ATP11A: variants seen among roughly 807,000 people sequenced by gnomAD.
The protein encoded by ATP11A is ATPase phospholipid transporting 11A.
In ATP11A, 81 loss-of-function variants were observed where a neutral mutation model predicts 154.4. That is an observed-to-expected ratio of 0.52 (90% confidence interval 0.44 to 0.63). The LOEUF (loss-of-function observed/expected upper bound fraction) is 0.63. Among genes scored for constraint, ATP11A ranks in the 30% least tolerant of loss-of-function variants. The probability of loss-of-function intolerance (pLI) is 0.00; values close to 1 mark genes in which losing one functional copy is unlikely to be tolerated. For synonymous variants in ATP11A, 623 were observed against 585.9 expected (o/e 1.06, Z -0.91); for missense variants, 1,316 against 1,474.3 (o/e 0.89, Z 1.76).
intron 1 of ATP11A, among the ~76,000 whole-genome samples, chr13:112,781,422 C>A (rs1404289127): frequency 6.6e-6 from 1 of 152,166 alleles, no homozygotes; most frequent in Non-Finnish European, 1.5e-5. Context: ...AGAAGTTACA[C>A]GATTGAGGCT....
intron 2 of ATP11A, among the ~76,000 whole-genome samples, chr13:112,794,972 G>A (rs1377544186): frequency 7.9e-5 from 12 of 152,214 alleles, no homozygotes; most frequent in East Asian, 3.9e-4. Context: ...TGCCAGGTGC[G>A]GTGGCTCACG....
chr13:112,808,591 G>C (rs1309371577), intron 4 of ATP11A, among the ~76,000 whole-genome samples: 1 of 151,998 alleles, frequency 6.6e-6, no homozygotes, highest in Non-Finnish European at 1.5e-5. Context: ...CTCCAGCAGG[G>C]CTGTTTGTGC....
chr13:112,814,823 T>G (rs952123510), intron 5 of ATP11A, among the ~76,000 whole-genome samples: 2 of 152,236 alleles, frequency 1.3e-5, no homozygotes, highest in Admixed American at 1.3e-4. Context: ...CAAGGTTGTT[T>G]TAGCTATTCT....
At chr13:112,780,063 CTG>C (rs1255221557) in intron 1 of ATP11A, among the ~76,000 whole-genome samples, 2 of 151,466 alleles carry the variant, frequency 1.3e-5, no homozygotes, top group Non-Finnish European at 2.9e-5. Context: ...GCCAAGGTGA[CTG>C]TTAGGTTTCT....
At chr13:112,766,833 G>A (rs1237163030) in intron 1 of ATP11A, among the ~76,000 whole-genome samples, 3 of 77,636 alleles carry the variant, frequency 3.9e-5, no homozygotes, top group East Asian at 7.7e-4. Context: ...GGGGAGATGT[G>A]GGGGTGTTGG....
chr13:112,811,179 C>T (rs1352511231), intron 5 of ATP11A, among the ~76,000 whole-genome samples: 1 of 150,244 alleles, frequency 6.7e-6, no homozygotes, highest in Non-Finnish European at 1.5e-5. Context: ...CACACACACA[C>T]ACACACACAC....
chr13:112,794,271 C>A (rs75171790), intron 2 of ATP11A, among the ~76,000 whole-genome samples: 10 of 152,312 alleles, frequency 6.6e-5, no homozygotes, highest in African/African-American at 2.4e-4. Context: ...CAAATACTTA[C>A]ATTTTTACAA....
chr13:112,847,324 T>G (rs997634996), intron 17 of ATP11A, among the ~76,000 whole-genome samples: 4 of 152,268 alleles, frequency 2.6e-5, no homozygotes, highest in African/African-American at 9.6e-5. Flanking sequence ...TCGAAGAAAC[T>G]GCTATGAAAT....
At chr13:112,701,013 C>T (rs796310276) in intron 1 of ATP11A, among the ~76,000 whole-genome samples, 14 of 152,348 alleles carry the variant, frequency 9.2e-5, no homozygotes, top group African/African-American at 3.4e-4. Flanking sequence ...GGCTCAGCTG[C>T]TGAGGGATCA....
intron 1 of ATP11A, among the ~76,000 whole-genome samples, chr13:112,778,133 A>C (rs968699840): frequency 6.6e-6 from 1 of 152,160 alleles, no homozygotes; most frequent in Non-Finnish European, 1.5e-5. Flanking sequence ...TACCACACAT[A>C]CCTTTTGCAA....
chr13:112,706,799 G>A (rs903838643), intron 1 of ATP11A, among the ~76,000 whole-genome samples: 3 of 152,112 alleles, frequency 2.0e-5, no homozygotes, highest in Middle Eastern at 3.2e-3. Context: ...TTAGGTTGGT[G>A]CAAATGTATT....
intron 1 of ATP11A, among the ~76,000 whole-genome samples, chr13:112,781,741 TC>T (rs1446350135): frequency 6.6e-6 from 1 of 150,762 alleles, no homozygotes; most frequent in East Asian, 1.9e-4. Flanking sequence ...GAGTAGCTGT[TC>T]TTTTATTCAT....
At chr13:112,804,020 G>C (rs138250152) in intron 2 of ATP11A, among the ~76,000 whole-genome samples, 441 of 2,838 alleles carry the variant, frequency 0.16, 11 homozygotes, top group Middle Eastern at 0.25. Context: ...CTCCCTCCCT[G>C]CCATCCCCTC....
chr13:112,700,702 A>G (rs924163476), intron 1 of ATP11A, among the ~76,000 whole-genome samples: 2 of 152,214 alleles, frequency 1.3e-5, no homozygotes, highest in Non-Finnish European at 2.9e-5. Flanking sequence ...CACTCGCAGA[A>G]GCGTCCGAGC....
chr13:112,740,443 G>T (rs180833660), intron 1 of ATP11A, among the ~76,000 whole-genome samples: 95 of 152,250 alleles, frequency 6.2e-4, no homozygotes, highest in African/African-American at 2.1e-3. Context: ...CAAAGTGCTG[G>T]GATTCCAGGC....
At position 112,713,582 on chromosome 13, in the gene ATP11A, C is replaced by T. The variant is rs572590091; in HGVS notation, c.39+23127C>T. Among the ~76,000 whole-genome samples, 25 of 152,248 alleles carry T rather than the reference C, an allele frequency of 1.6e-4. No individual in the cohort carries two copies. In the South Asian group the frequency reaches 2.5e-3, roughly 15 times the overall value. On this transcript the variant is annotated intron_variant, in intron 1 of 29. Coordinates refer to ENST00000375645, the MANE Select transcript of ATP11A (RefSeq NM_015205.3). ...GTATTTGTTAAAGTGCCATCATAGC[C>T]GCCTGTGAAAGAGGTCTCAGTAGGT... is the stretch of plus-strand genomic sequence containing the variant.
rs184976774 is a variant in ATP11A at position 112,790,658 on chromosome 13, C to T, written c.162+5401C>T. Reference sequence around the variant, plus strand: ...CACACCGGGTGTCCTGATGTGTAGACCCCTGCGATAGACCTCCTTAATCCA... The same window carrying T: ...CACACCGGGTGTCCTGATGTGTAGATCCCTGCGATAGACCTCCTTAATCCA... On this transcript the variant is annotated intron_variant, in intron 2 of 29. Transcript: ENST00000375645. 5.3e-3 allele frequency among the ~76,000 whole-genome samples: 798 copies of T among 149,634 alleles called. 6 individuals carry two copies. The highest frequency in any genetic ancestry group is 0.018 in the African/African-American group (720 of 40,674).
chr13:112,700,044 A>AT (rs5806957), intron 1 of ATP11A, among the ~76,000 whole-genome samples: 103,943 of 139,902 alleles, frequency 0.74, 41,244 homozygotes, highest in East Asian at 0.94. Context: ...GACAAAGGTA[A>AT]TTTTTTTTTT....
intron 1 of ATP11A, among the ~76,000 whole-genome samples, chr13:112,695,383 T>C (rs1885686350): frequency 1.3e-5 from 2 of 152,244 alleles, no homozygotes; most frequent in Admixed American, 6.5e-5. Flanking sequence ...ACCCTTCTTG[T>C]CTTCAGGGCC....
Sources: allele counts gnomAD v4.1 joint callset (sites outside exome capture counted in the v4.1 genomes callset), GRCh38; gene constraint gnomAD v4.1.1; transcripts MANE v1.5; gene names NCBI Gene and HGNC (gene_info 2026-07-23, HGNC 2026-07-21).